Variants in TMTC1 observed in about 807,000 individuals in gnomAD.
The protein encoded by TMTC1 is protein O-mannosyl-transferase TMTC1.
A neutral mutation model predicts 104.8 loss-of-function variants in TMTC1; 73 were observed. The observed-to-expected ratio is 0.70, with a 90% CI of 0.58 to 0.85. TMTC1 has a LOEUF of 0.85. Among genes scored for constraint, TMTC1 ranks in the 40% least tolerant of loss-of-function variants. TMTC1 has a pLI of 0.00. For missense variants in TMTC1, 1,035 were observed against 1,096.1 expected, an observed-to-expected ratio of 0.94 and a Z score of 0.79; for synonymous variants, 434 against 428.7, an observed-to-expected ratio of 1.01 and a Z score of -0.15.
intron 5 of TMTC1, among the ~76,000 whole-genome samples, chr12:29,687,512 G>A (rs1248830801): frequency 6.6e-6 from 1 of 152,118 alleles, no homozygotes; most frequent in Non-Finnish European, 1.5e-5. Flanking sequence ...ACATGATCTG[G>A]GATGTCTTTT....
At chr12:29,603,599 A>G (rs879025597) in intron 7 of TMTC1, among the ~76,000 whole-genome samples, 1 of 152,160 alleles carries the variant, frequency 6.6e-6, no homozygotes, top group Admixed American at 6.5e-5. Flanking sequence ...TGGAACAATG[A>G]CATTGGAATA....
At chr12:29,543,644 C>G (rs1944863236) in intron 10 of TMTC1, among the ~76,000 whole-genome samples, 1 of 152,130 alleles carries the variant, frequency 6.6e-6, no homozygotes, top group African/African-American at 2.4e-5. Context: ...ACTGACTTTA[C>G]CAGCTCTTCT....
intron 5 of TMTC1, among the ~76,000 whole-genome samples, chr12:29,707,195 G>A (rs1941770241): frequency 6.6e-6 from 1 of 152,118 alleles, no homozygotes; most frequent in Non-Finnish European, 1.5e-5. Flanking sequence ...CCATGCTGGA[G>A]GGCTCACTCA....
At chr12:29,593,932 G>A (rs1163070960) in intron 7 of TMTC1, among the ~76,000 whole-genome samples, 1 of 152,202 alleles carries the variant, frequency 6.6e-6, no homozygotes, top group East Asian at 1.9e-4. Context: ...GGTTGAAGGT[G>A]TGAGAAACTG....
intron 5 of TMTC1, among the ~76,000 whole-genome samples, chr12:29,694,792 T>A (rs1941367530): frequency 6.6e-6 from 1 of 152,098 alleles, no homozygotes; most frequent in Admixed American, 6.6e-5. Flanking sequence ...ATACAAAAAT[T>A]AGCCAGGCAT....
At chr12:29,705,045 C>T (rs574413151) in intron 5 of TMTC1, among the ~76,000 whole-genome samples, 1 of 152,302 alleles carries the variant, frequency 6.6e-6, no homozygotes, top group African/African-American at 2.4e-5. Context: ...ACCTACAGGT[C>T]TACTGATGGA....
rs189778126 is a variant in TMTC1, at chr12:29,696,183, C to T, written c.938+55483G>A. ...TTCAGTGTCAGAAGCACTATTATTT[C>T]GTTCCTGCACACCTGTATTAGTTTG... On this transcript the variant is annotated intron_variant, in intron 5 of 17. Coordinates refer to ENST00000539277, the MANE Select transcript of TMTC1 (RefSeq NM_001193451.2). 8.5e-5 allele frequency among the ~76,000 whole-genome samples: 13 copies of T among 152,266 alleles called. No individual in the cohort carries two copies. The East Asian group carries it at 1.5e-3, about 18-fold the overall frequency.
intron 5 of TMTC1, among the ~76,000 whole-genome samples, chr12:29,653,840 A>G (rs1939634948): frequency 6.6e-6 from 1 of 152,232 alleles, no homozygotes; most frequent in Non-Finnish European, 1.5e-5. Flanking sequence ...GATATACCCA[A>G]TGGTCAAGAA....
At chr12:29,603,058 C>G (rs1267784533) in intron 7 of TMTC1, among the ~76,000 whole-genome samples, 1 of 152,110 alleles carries the variant, frequency 6.6e-6, no homozygotes, top group Non-Finnish European at 1.5e-5. Flanking sequence ...TACCTTAAAC[C>G]ACGTAGAATA....
chr12:29,777,340 G>A (rs551593500), intron 1 of TMTC1, among the ~76,000 whole-genome samples: 6 of 152,132 alleles, frequency 3.9e-5, no homozygotes, highest in Non-Finnish European at 7.4e-5. Context: ...TGATCCGCCC[G>A]CCTCAGTCTC....
chr12:29,531,815 C>G (rs1944511723), intron 11 of TMTC1, among the ~76,000 whole-genome samples: 1 of 152,194 alleles, frequency 6.6e-6, no homozygotes, highest in Non-Finnish European at 1.5e-5. Flanking sequence ...GCTTCTATGA[C>G]AACTCATCCT....
chr12:29,633,381 G>T (rs759401961), intron 5 of TMTC1, 45 bp from the exon 6 acceptor site: 2 of 1,486,380 alleles, frequency 1.3e-6, no homozygotes, highest in South Asian at 2.6e-5. Flanking sequence ...CAAGAACCAT[G>T]ACATTCTGTA....
At chr12:29,659,612 C>T (rs1939921712) in intron 5 of TMTC1, among the ~76,000 whole-genome samples, 1 of 152,074 alleles carries the variant, frequency 6.6e-6, no homozygotes, top group East Asian at 1.9e-4. Flanking sequence ...ACCTAGTCTC[C>T]AGTAGTTTTT....
In TMTC1 at chr12:29,783,836, T is replaced by A; in HGVS notation, c.-85A>T. The A allele has an allele frequency of 9.3e-7, 1 of 1,070,056 alleles. No individual in the cohort carries two copies. Among genetic ancestry groups the A allele is most frequent in the Non-Finnish European group, 1.1e-6 (1 of 884,808 alleles). 66.3% of individuals were successfully genotyped at this position (1,070,056 alleles called of 1,614,324 possible). A position where few individuals can be genotyped will look rare whatever the true frequency, so the allele number is the denominator to read the frequency against. On this transcript the variant is annotated 5_prime_UTR_variant, in exon 1 of 18. Transcript: ENST00000539277. The surrounding 1 kb of genome is among the most constrained non-coding windows in gnomAD (Gnocchi z 4.7). ...CGGGGCCCCGGCGGCGCGCGGCGTC[T>A]GCCCGGAGGGGGGCTCGGGCATGGT...
At chr12:29,553,010 C>T (rs889546950) in intron 10 of TMTC1, among the ~76,000 whole-genome samples, 1 of 152,240 alleles carries the variant, frequency 6.6e-6, no homozygotes, top group Non-Finnish European at 1.5e-5. Context: ...TCATCTCTCT[C>T]TGTTACTTAG....
intron 5 of TMTC1, among the ~76,000 whole-genome samples, chr12:29,655,071 A>T (rs1369871038): frequency 6.6e-6 from 1 of 152,006 alleles, no homozygotes; most frequent in Non-Finnish European, 1.5e-5. Flanking sequence ...TTTAGTAGAG[A>T]TGGGGTTTTA....
chr12:29,659,445 C>A (rs1214962111), intron 5 of TMTC1, among the ~76,000 whole-genome samples: 1 of 152,214 alleles, frequency 6.6e-6, no homozygotes, highest in Non-Finnish European at 1.5e-5. Context: ...TCCGCTCTCT[C>A]TCTTGCTTCC....
At position 29,560,776 on chromosome 12, in the gene TMTC1, T is replaced by C. The variant is rs116462845; in HGVS notation, c.1533-3776A>G. On this transcript the variant is annotated intron_variant, in intron 9 of 17. Transcript: ENST00000539277. The stretch of plus-strand genomic sequence containing the variant: ...CTAGTGACATTTCCTTAAGTAGAAT[T>C]AATAGAGTAGGCAGTCAAGGGCATC... 6.4e-3 allele frequency among the ~76,000 whole-genome samples: 976 copies of C among 152,204 alleles called. 14 individuals are homozygous for C. Among genetic ancestry groups the C allele is most frequent in the African/African-American group, 0.023 (935 of 41,522 alleles).
intron 5 of TMTC1, among the ~76,000 whole-genome samples, chr12:29,750,407 T>G (rs984729636): frequency 6.6e-6 from 1 of 150,496 alleles, no homozygotes. Flanking sequence ...GTTGATTATT[T>G]ATTGTCTACC....
Sources: gnomAD v4.1 joint callset for allele counts (sites outside exome capture counted in the v4.1 genomes callset) on GRCh38, gnomAD v4.1.1 for gene constraint, Gnocchi (gnomAD v3.1) non-coding constraint, MANE v1.5 for transcripts, NCBI Gene and HGNC (gene_info 2026-07-23, HGNC 2026-07-21) for gene names.